PAK5: variants seen among roughly 807,000 people sequenced by gnomAD.
PAK5 encodes the protein p21 (RAC1) activated kinase 5.
In PAK5, 16 loss-of-function variants were observed where a neutral mutation model predicts 65.9. That is an observed-to-expected ratio of 0.24 (90% confidence interval 0.16 to 0.37). PAK5 has a LOEUF of 0.37. Ranked by LOEUF, PAK5 falls within the 10% of genes least tolerant of loss-of-function variation. The pLI, the probability that PAK5 is intolerant of heterozygous loss-of-function variation, is 1.00. For synonymous variants in PAK5, 371 were observed against 354.9 expected (o/e 1.05, Z -0.51); for missense variants, 785 against 903.9 (o/e 0.87, Z 1.69).
chr20:9,560,655 C>G (rs2045577436), intron 6 of PAK5, among the ~76,000 whole-genome samples: 1 of 152,186 alleles, frequency 6.6e-6, no homozygotes, highest in Non-Finnish European at 1.5e-5. Context: ...AGCCACCATG[C>G]CTGGCCAATA....
intron 7 of PAK5, among the ~76,000 whole-genome samples, chr20:9,556,734 T>C (rs1027103097): frequency 1.3e-5 from 2 of 152,186 alleles, no homozygotes; most frequent in African/African-American, 4.8e-5. Flanking sequence ...CAGGTTGCAG[T>C]GATGTGAAAT....
chr20:9,675,522 T>C (rs1313941582), intron 2 of PAK5, among the ~76,000 whole-genome samples: 1 of 152,096 alleles, frequency 6.6e-6, no homozygotes, highest in Non-Finnish European at 1.5e-5. Context: ...TATTTATTTA[T>C]TTTAGAGATG....
chr20:9,694,641 T>C lies in PAK5; in HGVS notation c.-12+16645A>G, dbSNP rs113261134. 4.3e-3 allele frequency among the ~76,000 whole-genome samples: 661 copies of C among 152,176 alleles called. 2 individuals carry two copies. The highest frequency in any genetic ancestry group is 0.01 in the Middle Eastern group (3 of 294). The stretch of plus-strand genomic sequence containing the variant: ...GGTCTGCTTGATTTTGGACTTAATA[T>C]GAATAGAATCATTACATCATACAAT... On this transcript the variant is annotated intron_variant, in intron 2 of 9. Transcript: ENST00000353224.
chr20:9,556,629 C>A (rs774492235), intron 7 of PAK5, among the ~76,000 whole-genome samples: 1 of 152,190 alleles, frequency 6.6e-6, no homozygotes, highest in South Asian at 2.1e-4. Flanking sequence ...TTTAACTAAG[C>A]CTTCCTTGGA....
Position 9,737,012 on chromosome 20 carries a change from G to GA in PAK5, c.-161-25578dup, listed in dbSNP as rs959751891. 1.2e-4 allele frequency among the ~76,000 whole-genome samples: 18 copies of GA among 147,870 alleles called. 1 individual carries two copies. The highest frequency in any genetic ancestry group is 2.4e-4 in the Non-Finnish European group (16 of 66,720). ...CAGTAGAGCTAAATCTTTACTGAAA[G>GA]AAAAAAAACCCATCAATCTAGAGTT... On this transcript the variant is annotated intron_variant, in intron 1 of 9. Transcript: ENST00000353224.
At chr20:9,614,556 GA>G (rs1159385670) in intron 3 of PAK5, among the ~76,000 whole-genome samples, 3 of 151,930 alleles carry the variant, frequency 2.0e-5, no homozygotes, top group Admixed American at 1.3e-4. Flanking sequence ...ATCAGATAAG[GA>G]AAAAAATCCC....
chr20:9,562,325 G>T (rs56822321), intron 6 of PAK5, among the ~76,000 whole-genome samples: 1 of 152,112 alleles, frequency 6.6e-6, no homozygotes, highest in African/African-American at 2.4e-5. Context: ...GCACATAAAA[G>T]GTGCTCAATA....
intron 7 of PAK5, among the ~76,000 whole-genome samples, chr20:9,545,104 C>T (rs1023495474): frequency 6.6e-6 from 1 of 152,142 alleles, no homozygotes; most frequent in Non-Finnish European, 1.5e-5. Flanking sequence ...ACATGAACAT[C>T]AATGCAAGTG....
chr20:9,548,721 T>G (rs565488640), intron 7 of PAK5, among the ~76,000 whole-genome samples: 2 of 152,318 alleles, frequency 1.3e-5, no homozygotes, highest in African/African-American at 4.8e-5. Flanking sequence ...AGAAGACACA[T>G]TGAAGCTCTT....
chr20:9,718,538 A>G (rs534741768), intron 1 of PAK5, among the ~76,000 whole-genome samples: 18 of 152,044 alleles, frequency 1.2e-4, no homozygotes, highest in African/African-American at 4.4e-4. Flanking sequence ...GTCCTCATTA[A>G]TATTGAGTTC....
intron 3 of PAK5, among the ~76,000 whole-genome samples, chr20:9,626,462 C>A (rs1240110150): frequency 1.3e-5 from 2 of 152,170 alleles, no homozygotes; most frequent in Non-Finnish European, 2.9e-5. Flanking sequence ...CATCTTTCAA[C>A]ATTAGATTGC....
At chr20:9,749,090 A>G (rs1028291404) in intron 1 of PAK5, among the ~76,000 whole-genome samples, 2 of 152,166 alleles carry the variant, frequency 1.3e-5, no homozygotes, top group Non-Finnish European at 1.5e-5. Context: ...CTTTATTTGT[A>G]TGAATAATAT....
intron 4 of PAK5, among the ~76,000 whole-genome samples, chr20:9,567,301 T>C (rs2045699104): frequency 6.6e-6 from 1 of 152,178 alleles, no homozygotes; most frequent in Non-Finnish European, 1.5e-5. Flanking sequence ...TCTTTCTTAA[T>C]GCAGTGCCCC....
chr20:9,788,548 G>C (rs900666276), intron 1 of PAK5, among the ~76,000 whole-genome samples: 1 of 151,976 alleles, frequency 6.6e-6, no homozygotes, highest in East Asian at 1.9e-4. Flanking sequence ...TTCTATAAAA[G>C]GTATTGTTTG....
chr20:9,651,652 T>A (rs2047204579), intron 2 of PAK5, among the ~76,000 whole-genome samples: 1 of 152,114 alleles, frequency 6.6e-6, no homozygotes, highest in African/African-American at 2.4e-5. Context: ...TTCATAATAA[T>A]AATAGTAATA....
At chr20:9,609,902 T>A (rs2046526211) in intron 3 of PAK5, among the ~76,000 whole-genome samples, 1 of 152,212 alleles carries the variant, frequency 6.6e-6, no homozygotes, top group Admixed American at 6.5e-5. Context: ...TCTAAATCCA[T>A]TCTATGGAAG....
At chr20:9,546,448 C>T (rs2045346096) in intron 7 of PAK5, among the ~76,000 whole-genome samples, 1 of 152,040 alleles carries the variant, frequency 6.6e-6, no homozygotes, top group African/African-American at 2.4e-5. Context: ...TTTGACCTCC[C>T]AGTACTATCA....
intron 2 of PAK5, among the ~76,000 whole-genome samples, chr20:9,652,234 C>A (rs1389137571): frequency 6.6e-6 from 1 of 152,178 alleles, no homozygotes; most frequent in Non-Finnish European, 1.5e-5. Flanking sequence ...ATGGCACCAA[C>A]CACACCATCC....
At chr20:9,819,647 C>A (rs147731230) in intron 1 of PAK5, among the ~76,000 whole-genome samples, 2 of 152,130 alleles carry the variant, frequency 1.3e-5, no homozygotes, top group Non-Finnish European at 2.9e-5. Context: ...TCCTCTCTAC[C>A]CCCGTTCTCT....
Sources: gnomAD v4.1 joint callset for allele counts (sites outside exome capture counted in the v4.1 genomes callset) on GRCh38, gnomAD v4.1.1 for gene constraint, MANE v1.5 for transcripts, NCBI Gene and HGNC (gene_info 2026-07-23, HGNC 2026-07-21) for gene names.